The following RPS6KC1 variants were observed in gnomAD, a reference collection of about 807,000 sequenced individuals.
RPS6KC1 encodes ribosomal protein S6 kinase C1, also known as inactive ribosomal protein S6 kinase delta-1.
RPS6KC1 carries 54 observed loss-of-function variants against 103.8 expected under a neutral mutation model. The ratio of observed to expected loss-of-function variants is 0.52; its 90% CI spans 0.42 to 0.65. RPS6KC1 has a LOEUF of 0.65. Among genes scored for constraint, RPS6KC1 ranks in the 30% least tolerant of loss-of-function variants. The probability of loss-of-function intolerance (pLI) is 0.00; values close to 1 mark genes in which losing one functional copy is unlikely to be tolerated. For synonymous variants in RPS6KC1, 439 were observed against 438.7 expected (o/e 1.00, Z -0.01); for missense variants, 1,151 against 1,253.8 (o/e 0.92, Z 1.24).
intron 6 of RPS6KC1, among the ~76,000 whole-genome samples, chr1:213,135,783 A>C (rs2086203662): frequency 6.6e-6 from 1 of 152,166 alleles, no homozygotes; most frequent in Non-Finnish European, 1.5e-5. Context: ...TGCCAATAGG[A>C]GTCAGCAGTT....
At position 213,129,554 on chromosome 1, in the gene RPS6KC1, C is replaced by T. The variant is rs1382908249; in HGVS notation, c.500C>T (p.Ser167Phe). The T allele has an allele frequency of 6.2e-7, 1 of 1,612,368 alleles. No individual in the cohort carries two copies. The highest frequency in any genetic ancestry group is 8.5e-7 in the Non-Finnish European group (1 of 1,179,046). Residue 167 changes from serine (S) to phenylalanine (F), a missense_variant, in exon 6 of 15, where the codon TCT (serine) becomes TTT (phenylalanine). Physicochemically the swap from Ser to Phe is radical, Grantham distance 155. Transcript: ENST00000366960. ...TTCTCCAGTGACAGTGATCTGGTAT[C>T]TCTTACTGTTGATGTGGATTCTCTT... Reference protein sequence around the residue: ...EGFSSDSDLVSLTVDVDSLAE... With the variant: ...EGFSSDSDLVFLTVDVDSLAE...
At chr1:213,375,300 CAT>C in the RPS6KC1 span, among the ~76,000 whole-genome samples, 4 of 152,000 alleles carry the variant, frequency 2.6e-5, no homozygotes, top group South Asian at 2.1e-4. Context: ...TACATACACA[CAT>C]ACACACATAG....
At chr1:213,510,074 C>T in the RPS6KC1 span, among the ~76,000 whole-genome samples, 32 of 152,164 alleles carry the variant, frequency 2.1e-4, no homozygotes, top group Non-Finnish European at 4.6e-4. Flanking sequence ...CAATAGGGTG[C>T]TAATTCATTT....
rs573792231 is a variant in RPS6KC1 at position 213,138,526 on chromosome 1, A to G, written c.835+8637A>G. ...CCCTCCTCCCACCCTTTACCCTCAA[A>G]GAGGCCTCAGTGTCTATTGTTCCCT... is the stretch of plus-strand genomic sequence containing the variant. On this transcript the variant is annotated intron_variant, in intron 6 of 14. Transcript: ENST00000366960. Among the ~76,000 whole-genome samples the G allele has an allele frequency of 2.6e-5, 4 of 152,264 alleles. No homozygotes were observed. In the South Asian group the frequency reaches 8.3e-4, roughly 32 times the overall value.
At chr1:213,604,150 G>A in the RPS6KC1 span, among the ~76,000 whole-genome samples, 28 of 152,326 alleles carry the variant, frequency 1.8e-4, no homozygotes, top group South Asian at 3.9e-3. Flanking sequence ...TGCCCAGTGC[G>A]ATAATATTTG....
the RPS6KC1 span, among the ~76,000 whole-genome samples, chr1:213,521,191 G>T: frequency 6.6e-6 from 1 of 151,928 alleles, no homozygotes; most frequent in African/African-American, 2.4e-5. Context: ...TGTGGGTTTG[G>T]GTCCAGACCA....
chr1:213,240,653 A>T (rs748993010), intron 10 of RPS6KC1, 49 bp from the exon 11 acceptor site: 2 of 1,473,062 alleles, frequency 1.4e-6, no homozygotes, highest in Non-Finnish European at 1.8e-6. Context: ...AATAACTGTC[A>T]ATTTGGAGAT....
rs186259249 is a variant in RPS6KC1, at chr1:213,177,063, T to C, written c.1044+571T>C. 1.0e-3 allele frequency among the ~76,000 whole-genome samples: 157 copies of C among 152,312 alleles called. 1 individual carries two copies. The highest frequency in any genetic ancestry group is 1.5e-3 in the Non-Finnish European group (105 of 68,030). On this transcript the variant is annotated intron_variant, in intron 8 of 14. Transcript: ENST00000366960. ...ACATTACTTTTTTTGACTCAAAAGC[T>C]GTACTTTTTCTAGTACACTAACCCC... is the stretch of plus-strand genomic sequence containing the variant.
At chr1:213,170,777 T>C (rs746671901) in intron 7 of RPS6KC1, among the ~76,000 whole-genome samples, 4 of 152,364 alleles carry the variant, frequency 2.6e-5, no homozygotes, top group Admixed American at 6.5e-5. Context: ...TTTTCTCATG[T>C]ATAATTTAAG....
At chr1:213,559,787 C>T in the RPS6KC1 span, among the ~76,000 whole-genome samples, 1 of 152,088 alleles carries the variant, frequency 6.6e-6, no homozygotes, top group South Asian at 2.1e-4. Flanking sequence ...TAAACATAAT[C>T]AGGTAAAATT....
chr1:213,850,617 T>G, the RPS6KC1 span, among the ~76,000 whole-genome samples: 1 of 152,230 alleles, frequency 6.6e-6, no homozygotes, highest in African/African-American at 2.4e-5. Flanking sequence ...AAACCTATAT[T>G]GCTTACTAGC....
chr1:213,350,586 A>G, the RPS6KC1 span, among the ~76,000 whole-genome samples: 1 of 152,218 alleles, frequency 6.6e-6, no homozygotes, highest in South Asian at 2.1e-4. Flanking sequence ...ATGACATAAT[A>G]GAGCTGGAAG....
chr1:213,770,913 T>C, the RPS6KC1 span, among the ~76,000 whole-genome samples: 1 of 152,232 alleles, frequency 6.6e-6, no homozygotes, highest in African/African-American at 2.4e-5. Context: ...CTGTTGCTAT[T>C]CTTTGTCTTC....
At chr1:213,721,413 T>G in the RPS6KC1 span, among the ~76,000 whole-genome samples, 1 of 152,184 alleles carries the variant, frequency 6.6e-6, no homozygotes, top group Non-Finnish European at 1.5e-5. Context: ...TCTCACAGAA[T>G]CTGATGGTTT....
intron 8 of RPS6KC1, among the ~76,000 whole-genome samples, chr1:213,185,583 G>C (rs921739020): frequency 6.6e-6 from 1 of 152,140 alleles, no homozygotes; most frequent in African/African-American, 2.4e-5. Flanking sequence ...AGGAGGCAGA[G>C]GTTGTAGTCA....
chr1:213,483,675 C>T, the RPS6KC1 span, among the ~76,000 whole-genome samples: 14 of 152,044 alleles, frequency 9.2e-5, no homozygotes, highest in Non-Finnish European at 2.9e-5. Context: ...AAGTTGTAGG[C>T]TATCAGAAAA....
At chr1:213,518,795 A>G in the RPS6KC1 span, among the ~76,000 whole-genome samples, 2 of 152,174 alleles carry the variant, frequency 1.3e-5, no homozygotes, top group East Asian at 3.8e-4. Flanking sequence ...TGTTATGCAT[A>G]TATAGATGGT....
rs367996554 is a variant in RPS6KC1, at chr1:213,117,298, A to G, written c.379-19A>G. On this transcript the variant is annotated intron_variant, in intron 4 of 14. Coordinates refer to ENST00000366960, the MANE Select transcript of RPS6KC1 (RefSeq NM_012424.6). ...ATGCTCTTAATGCTAATGAAACACA[A>G]TTGCTCTTATCTCTTTAGGGTGGAA... The G allele has an allele frequency of 1.4e-6, 2 of 1,445,780 alleles. No individual in the cohort carries two copies. The highest frequency in any genetic ancestry group is 1.4e-5 in the African/African-American group (1 of 70,802). The allele number at this position is 1,445,780 out of a possible 1,614,324, so 89.6% of individuals were successfully genotyped here. A position where few individuals can be genotyped will look rare whatever the true frequency, so the allele number is the denominator to read the frequency against.
chr1:213,638,826 C>T, the RPS6KC1 span, among the ~76,000 whole-genome samples: 2 of 152,026 alleles, frequency 1.3e-5, no homozygotes, highest in Non-Finnish European at 2.9e-5. Flanking sequence ...AGTTGCTTTG[C>T]CCATTCTGGG....
Sources: allele counts gnomAD v4.1 joint callset (sites outside exome capture counted in the v4.1 genomes callset), GRCh38; gene constraint gnomAD v4.1.1; transcripts MANE v1.5; gene names NCBI Gene and HGNC (gene_info 2026-07-23, HGNC 2026-07-21).